LSM12: variants seen among roughly 807,000 people sequenced by gnomAD.
LSM12 encodes protein LSM12.
For missense variants in LSM12, 108 were observed against 238.9 expected, an observed-to-expected ratio of 0.45 and a Z score of 3.61; for synonymous variants, 74 against 87.3, an observed-to-expected ratio of 0.85 and a Z score of 0.85.
intron 2 of LSM12, among the ~76,000 whole-genome samples, chr17:44,054,586 G>GT (rs762642062): frequency 6.6e-5 from 10 of 152,146 alleles, no homozygotes; most frequent in Non-Finnish European, 1.0e-4. Flanking sequence ...GACTACAGGT[G>GT]TGAGTCACCA....
Position 44,040,207 on chromosome 17 carries a change from T to C in LSM12, c.308A>G (p.Tyr103Cys). ...TAGAGAGACACCAGCACTGATTGCA[T>C]AGGCCTGGCTCAGCTTCTCCTCCTT... ...TEKEEKLSQA[Y>C]AISAGVSLEG... The change falls in exon 3 of 5, where the codon TAT becomes TGT. Residue 103 changes from tyrosine (Y) to cysteine (C), a missense_variant. Transcript: ENST00000293406. 3 of 1,614,062 alleles carry C rather than the reference T, an allele frequency of 1.9e-6. No homozygotes were observed. The highest frequency in any genetic ancestry group is 1.7e-6 in the Non-Finnish European group (2 of 1,179,942).
rs1455221303 is a variant in LSM12, at chr17:44,037,212, A to G, written c.495+200T>C. The G allele has an allele frequency of 2.4e-5, 12 of 496,278 alleles. No individual in the cohort carries two copies. In the East Asian group the frequency reaches 2.7e-4, roughly 11 times the overall value. The allele number at this position is 496,278 out of a possible 1,614,324, so 30.7% of individuals were successfully genotyped here. On this transcript the variant is annotated intron_variant, in intron 4 of 4. Coordinates refer to ENST00000293406, the MANE Select transcript of LSM12 (RefSeq NM_001371445.1). ...GCAAAGGACATAGGGTCACCCACTC[A>G]CTTCTTTCCACACCACCCAGTGGTT...
intron 2 of LSM12, among the ~76,000 whole-genome samples, chr17:44,051,686 G>T (rs972835665): frequency 6.6e-6 from 1 of 152,012 alleles, no homozygotes; most frequent in Admixed American, 6.6e-5. Flanking sequence ...TCAAAATATT[G>T]AATCAGGCCA....
At chr17:44,046,322 A>G (rs1310308144) in intron 2 of LSM12, among the ~76,000 whole-genome samples, 1 of 152,162 alleles carries the variant, frequency 6.6e-6, no homozygotes, top group Non-Finnish European at 1.5e-5. Context: ...TTTGTTAGGT[A>G]GATAACTAAG....
At chr17:44,053,244 T>C (rs559280788) in intron 2 of LSM12, among the ~76,000 whole-genome samples, 5 of 152,302 alleles carry the variant, frequency 3.3e-5, no homozygotes, top group South Asian at 2.1e-4. Flanking sequence ...ATAAGTTTCA[T>C]TGGAAAACAG....
chr17:44,049,500 AC>A (rs1416654813), intron 2 of LSM12, among the ~76,000 whole-genome samples: 1 of 151,892 alleles, frequency 6.6e-6, no homozygotes, highest in African/African-American at 2.4e-5. Context: ...CTGGCCTTGA[AC>A]TTCTGGCCTC....
chr17:44,034,479 T>C lies in LSM12; in HGVS notation c.*1729A>G, dbSNP rs906221643. ...AACCCTGGACCCCCATCTTAAATTA[T>C]ACCCTGCATTATATTTCTGGATGAG... On this transcript the variant is annotated 3_prime_UTR_variant, in exon 5 of 5. Coordinates refer to ENST00000293406, the MANE Select transcript of LSM12 (RefSeq NM_001371445.1). 1.3e-5 allele frequency among the ~76,000 whole-genome samples: 2 copies of C among 152,080 alleles called. No homozygotes were observed. Among genetic ancestry groups the C allele is most frequent in the African/African-American group, 4.8e-5 (2 of 41,400 alleles).
upstream of LSM12, among the ~76,000 whole-genome samples, chr17:44,066,955 A>G (rs778964342): frequency 3.9e-5 from 6 of 152,184 alleles, no homozygotes; most frequent in African/African-American, 1.4e-4. Flanking sequence ...TGTTAACCCC[A>G]TTTTGCATAT....
At chr17:44,066,078 C>T (rs2049870051) in intron 1 of LSM12, among the ~76,000 whole-genome samples, 1 of 151,974 alleles carries the variant, frequency 6.6e-6, no homozygotes, top group South Asian at 2.1e-4. Flanking sequence ...AAACACCCCT[C>T]CCCATAATAT....
rs2049394287 is a variant in LSM12 at position 44,034,371 on chromosome 17, G to C, written c.*1837C>G. Among the ~76,000 whole-genome samples the C allele has an allele frequency of 6.6e-6, 1 of 152,260 alleles. No homozygotes were observed. The highest frequency in any genetic ancestry group is 1.9e-4 in the East Asian group (1 of 5,184). Reference sequence around the variant, plus strand: ...TTACTTCTCAGCTCGCCGACCATTTGTGCCTCCAAACAGTCCTGTAACAAA... The same window carrying C: ...TTACTTCTCAGCTCGCCGACCATTTCTGCCTCCAAACAGTCCTGTAACAAA... On this transcript the variant is annotated 3_prime_UTR_variant, in exon 5 of 5. Coordinates refer to ENST00000293406, the MANE Select transcript of LSM12 (RefSeq NM_001371445.1).
chr17:44,058,490 C>A (rs147534329), intron 2 of LSM12, among the ~76,000 whole-genome samples: 5 of 151,920 alleles, frequency 3.3e-5, no homozygotes, highest in South Asian at 2.1e-4. Flanking sequence ...TTGCTTGAGC[C>A]CAGGAGTTAC....
At chr17:44,047,776 T>C (rs1231401038) in intron 2 of LSM12, among the ~76,000 whole-genome samples, 1 of 148,436 alleles carries the variant, frequency 6.7e-6, no homozygotes, top group Non-Finnish European at 1.5e-5. Context: ...AGCGATGGGG[T>C]CTCCCTGTGT....
At chr17:44,065,127 C>G (rs2049854458) in intron 1 of LSM12, among the ~76,000 whole-genome samples, 1 of 148,574 alleles carries the variant, frequency 6.7e-6, no homozygotes, top group Non-Finnish European at 1.5e-5. Flanking sequence ...GAGTGAAACT[C>G]CGTCTCAAAA....
Position 44,051,818 on chromosome 17 carries a change from A to T in LSM12, c.259-11562T>A, listed in dbSNP as rs184989216. The stretch of plus-strand genomic sequence containing the variant: ...GCAAGGCCCCTGACTCTACCAAAAA[A>T]AATGTTAGGGCAGGCACAGTGGTTC... On this transcript the variant is annotated intron_variant, in intron 2 of 4. Coordinates refer to ENST00000293406, the MANE Select transcript of LSM12 (RefSeq NM_001371445.1). Among the ~76,000 whole-genome samples the T allele has an allele frequency of 3.8e-3, 573 of 152,132 alleles. 5 individuals are homozygous for T. The highest frequency in any genetic ancestry group is 0.013 in the African/African-American group (552 of 41,542).
chr17:44,055,533 C>T (rs957266558), intron 2 of LSM12, among the ~76,000 whole-genome samples: 19 of 149,372 alleles, frequency 1.3e-4, no homozygotes, highest in African/African-American at 4.7e-4. Flanking sequence ...AAAAATTAGC[C>T]GGGCATTGTG....
intron 2 of LSM12, 35 bp from the exon 3 acceptor site, chr17:44,040,291 G>C: frequency 6.6e-7 from 1 of 1,508,044 alleles, no homozygotes; most frequent in South Asian, 1.1e-5. Context: ...CTCAGAATAG[G>C]ATTCATCTTC....
chr17:44,055,742 T>C (rs1434185700), intron 2 of LSM12, among the ~76,000 whole-genome samples: 1 of 145,482 alleles, frequency 6.9e-6, no homozygotes, highest in Admixed American at 7.0e-5. Flanking sequence ...ATATATATAA[T>C]ATATGTGTAT....
At chr17:44,059,764 C>G (rs1252502103) in intron 2 of LSM12, among the ~76,000 whole-genome samples, 1 of 152,106 alleles carries the variant, frequency 6.6e-6, no homozygotes, top group African/African-American at 2.4e-5. Flanking sequence ...CTTCCATTTC[C>G]TGCTAGGTCA....
At chr17:44,041,349 ACAG>A (rs1466444670) in intron 2 of LSM12, among the ~76,000 whole-genome samples, 2 of 151,164 alleles carry the variant, frequency 1.3e-5, no homozygotes, top group Non-Finnish European at 2.9e-5. Context: ...ACACACACAC[ACAG>A]AATTTCCATT....
Sources: gnomAD v4.1 joint callset for allele counts (sites outside exome capture counted in the v4.1 genomes callset) on GRCh38, gnomAD v4.1.1 for gene constraint, MANE v1.5 for transcripts, NCBI Gene and HGNC (gene_info 2026-07-23, HGNC 2026-07-21) for gene names.